RFX3: variants seen among roughly 807,000 people sequenced by gnomAD.
The protein encoded by RFX3 is transcription factor RFX3.
RFX3 carries 14 observed loss-of-function variants against 98.6 expected under a neutral mutation model. That is an observed-to-expected ratio of 0.14 (90% CI 0.09 to 0.22). The LOEUF is 0.22. Among genes scored for constraint, RFX3 ranks in the 10% least tolerant of loss-of-function variants. RFX3 has a pLI of 1.00. For missense variants in RFX3, 639 were observed against 926.9 expected (o/e 0.69, Z 4.03); for synonymous variants, 383 against 328.4 (o/e 1.17, Z -1.80).
At chr9:3,454,882 C>G (rs1318015238) in intron 1 of RFX3, among the ~76,000 whole-genome samples, 2 of 152,296 alleles carry the variant, frequency 1.3e-5, no homozygotes, top group African/African-American at 4.8e-5. Flanking sequence ...GTGATTTACA[C>G]AAGGCCACTA....
At chr9:3,343,761 C>T (rs1456617773) in intron 3 of RFX3, among the ~76,000 whole-genome samples, 1 of 152,148 alleles carries the variant, frequency 6.6e-6, no homozygotes, top group Non-Finnish European at 1.5e-5. Context: ...CATCTTCTCC[C>T]TCTTGACCAA....
chr9:3,359,145 C>T (rs192781973), intron 2 of RFX3, among the ~76,000 whole-genome samples: 38 of 151,242 alleles, frequency 2.5e-4, no homozygotes, highest in African/African-American at 8.7e-4. Flanking sequence ...ATACCGCTTG[C>T]AATTTGAGAA....
At chr9:3,313,186 C>T (rs1830166742) in intron 4 of RFX3, among the ~76,000 whole-genome samples, 1 of 152,302 alleles carries the variant, frequency 6.6e-6, no homozygotes, top group African/African-American at 2.4e-5. Flanking sequence ...AACAATCAGG[C>T]AGCAACATCT....
chr9:3,428,802 A>G (rs572284414), intron 1 of RFX3, among the ~76,000 whole-genome samples: 1 of 152,310 alleles, frequency 6.6e-6, no homozygotes, highest in South Asian at 2.1e-4. Context: ...AAACATTTAC[A>G]TGAAATGAAT....
At chr9:3,415,972 G>T (rs1842944434) in intron 1 of RFX3, among the ~76,000 whole-genome samples, 1 of 152,128 alleles carries the variant, frequency 6.6e-6, no homozygotes, top group Non-Finnish European at 1.5e-5. Context: ...TATCATACCT[G>T]CTCATAGTAA....
At chr9:3,384,994 T>A (rs1484006382) in intron 2 of RFX3, among the ~76,000 whole-genome samples, 1 of 152,208 alleles carries the variant, frequency 6.6e-6, no homozygotes, top group Non-Finnish European at 1.5e-5. Flanking sequence ...GCTCATACTA[T>A]AAATGACAAT....
At chr9:3,287,471 C>T (rs894158165) in intron 7 of RFX3, among the ~76,000 whole-genome samples, 26 of 151,934 alleles carry the variant, frequency 1.7e-4, no homozygotes, top group Admixed American at 1.6e-3. Flanking sequence ...TGTGCTTGTG[C>T]AAATCATTTA....
chr9:3,447,968 C>G (rs759228065), intron 1 of RFX3, among the ~76,000 whole-genome samples: 2 of 152,080 alleles, frequency 1.3e-5, no homozygotes, highest in Non-Finnish European at 2.9e-5. Flanking sequence ...GAGCTCTCAA[C>G]TATGAGCCAA....
intron 1 of RFX3, among the ~76,000 whole-genome samples, chr9:3,420,423 T>C (rs1341882625): frequency 6.6e-6 from 1 of 152,184 alleles, no homozygotes; most frequent in East Asian, 1.9e-4. Context: ...TAGCTACAGC[T>C]TTACTATTTA....
In RFX3 at chr9:3,499,658, T is replaced by C. The variant is rs142245405; in HGVS notation, c.-9+26089A>G. ...ATTAAGGGACAGCTTCTGATTCCTT[T>C]AGAAACTGTACTAATTTGTATTACT... On this transcript the variant is annotated intron_variant, in intron 1 of 16. Coordinates refer to ENST00000617270, the MANE Select transcript of RFX3 (RefSeq NM_001282116.2). Among the ~76,000 whole-genome samples, 627 of 152,218 alleles carry C rather than the reference T, an allele frequency of 4.1e-3. 3 individuals are homozygous for C. Among genetic ancestry groups the C allele is most frequent in the African/African-American group, 0.014 (586 of 41,568 alleles).
chr9:3,369,509 T>C (rs1837570525), intron 2 of RFX3, among the ~76,000 whole-genome samples: 1 of 151,828 alleles, frequency 6.6e-6, no homozygotes, highest in Non-Finnish European at 1.5e-5. Context: ...AATAAAGGAG[T>C]TCTATTTTTC....
At chr9:3,242,087 C>T (rs2130871355) in intron 15 of RFX3, among the ~76,000 whole-genome samples, 1 of 152,246 alleles carries the variant, frequency 6.6e-6, no homozygotes, top group Middle Eastern at 3.4e-3. Flanking sequence ...AGATTAAGCC[C>T]ATCCCATTTG....
intron 7 of RFX3, among the ~76,000 whole-genome samples, chr9:3,283,853 A>G (rs1010538866): frequency 3.7e-5 from 5 of 136,738 alleles, no homozygotes; most frequent in African/African-American, 1.7e-4. Context: ...CAAAAATTTT[A>G]TTACGTGTAT....
intron 4 of RFX3, among the ~76,000 whole-genome samples, chr9:3,323,009 A>G (rs1356305157): frequency 6.6e-6 from 1 of 152,222 alleles, no homozygotes; most frequent in African/African-American, 2.4e-5. Flanking sequence ...GTGTATGTGT[A>G]AAATTATTTC....
At chr9:3,478,151 T>C (rs542632073) in intron 1 of RFX3, among the ~76,000 whole-genome samples, 67 of 152,294 alleles carry the variant, frequency 4.4e-4, no homozygotes, top group African/African-American at 1.6e-3. Flanking sequence ...ACAGGGACTT[T>C]TTTTGTTCGT....
chr9:3,219,636 A>C lies in RFX3; in HGVS notation c.*5406T>G, dbSNP rs1817243017. ...CTATTTAAGTAAAATTGGTAAACTA[A>C]ACTCAGGTCTACTGGCACATAAAAT... On this transcript the variant is annotated 3_prime_UTR_variant, in exon 17 of 17. Coordinates refer to ENST00000617270, the MANE Select transcript of RFX3 (RefSeq NM_001282116.2). 1 of 152,202 alleles carries C rather than the reference A, an allele frequency of 6.6e-6. No homozygotes were observed. The highest frequency in any genetic ancestry group is 2.4e-5 in the African/African-American group (1 of 41,454). 9.4% of individuals were successfully genotyped at this position (152,202 alleles called of 1,614,324 possible). A position where few individuals can be genotyped will look rare whatever the true frequency, so the allele number is the denominator to read the frequency against.
At position 3,462,585 on chromosome 9, in the gene RFX3, A is replaced by T. The variant is rs183162632; in HGVS notation, c.-9+63162T>A. On this transcript the variant is annotated intron_variant, in intron 1 of 16. Transcript: ENST00000617270. Reference sequence around the variant, plus strand: ...ATGAAAGGCACACAAATTAGAAAAGAAGTAGTAAAAACTGCCTTTATTTGC... The same window carrying T: ...ATGAAAGGCACACAAATTAGAAAAGTAGTAGTAAAAACTGCCTTTATTTGC... Among the ~76,000 whole-genome samples the T allele has an allele frequency of 2.5e-3, 385 of 152,196 alleles. 2 individuals are homozygous for T. The highest frequency in any genetic ancestry group is 8.9e-3 in the African/African-American group (372 of 41,566).
chr9:3,498,169 C>T (rs938979101), intron 1 of RFX3, among the ~76,000 whole-genome samples: 1 of 151,952 alleles, frequency 6.6e-6, no homozygotes, highest in African/African-American at 2.4e-5. Context: ...CTAAAGGACA[C>T]AAAGGAGAAA....
At chr9:3,521,317 G>A (rs554760808) in intron 1 of RFX3, among the ~76,000 whole-genome samples, 13 of 152,146 alleles carry the variant, frequency 8.5e-5, no homozygotes, top group African/African-American at 2.9e-4. Flanking sequence ...TATATGTTGC[G>A]GTAATATGTA....
Sources: gnomAD v4.1 joint callset for allele counts (sites outside exome capture counted in the v4.1 genomes callset) on GRCh38, gnomAD v4.1.1 for gene constraint, MANE v1.5 for transcripts, NCBI Gene and HGNC (gene_info 2026-07-23, HGNC 2026-07-21) for gene names.